PRUNE2: variants seen among roughly 807,000 people sequenced by gnomAD.
The protein encoded by PRUNE2 is prune homolog 2 with BCH domain.
Under a neutral mutation model 252.0 loss-of-function variants are expected in PRUNE2, and 164 were observed. The observed-to-expected ratio is 0.65, with a 90% confidence interval of 0.57 to 0.74. The LOEUF is 0.74. Among genes scored for constraint, PRUNE2 ranks in the 30% least tolerant of loss-of-function variants. PRUNE2 has a pLI of 0.00. For synonymous variants in PRUNE2, 1,292 were observed against 1,350.2 expected, an observed-to-expected ratio of 0.96 and a Z score of 0.94; for missense variants, 3,495 against 3,711.0, an observed-to-expected ratio of 0.94 and a Z score of 1.51.
intron 1 of PRUNE2, among the ~76,000 whole-genome samples, chr9:76,904,804 T>C (rs1358311002): frequency 2.6e-5 from 4 of 152,210 alleles, no homozygotes; most frequent in South Asian, 2.1e-4. Context: ...AGTTAGACCA[T>C]TGTAAGGATC....
At chr9:76,879,058 G>C (rs1421733603) in intron 1 of PRUNE2, among the ~76,000 whole-genome samples, 1 of 152,168 alleles carries the variant, frequency 6.6e-6, no homozygotes, top group Admixed American at 6.6e-5. Context: ...CCTGTGCATA[G>C]GAAAGCATTT....
chr9:76,623,278 C>T (rs970202543), intron 17 of PRUNE2, among the ~76,000 whole-genome samples: 9 of 150,552 alleles, frequency 6.0e-5, no homozygotes, highest in African/African-American at 2.0e-4. Context: ...AACTTGGAAA[C>T]GAGAAAAGAG....
intron 16 of PRUNE2, among the ~76,000 whole-genome samples, chr9:76,628,584 C>T (rs1836002162): frequency 6.6e-6 from 1 of 152,134 alleles, no homozygotes; most frequent in African/African-American, 2.4e-5. Context: ...CACTGTTAAC[C>T]AGTAGAGACA....
At chr9:76,688,210 A>G (rs776151030) in intron 9 of PRUNE2, among the ~76,000 whole-genome samples, 1 of 152,150 alleles carries the variant, frequency 6.6e-6, no homozygotes, top group Non-Finnish European at 1.5e-5. Flanking sequence ...CCCCATCCCA[A>G]TAGGTACACC....
chr9:76,703,545 C>A lies in PRUNE2; in HGVS notation c.8068G>T (p.Glu2690Ter). The A allele has an allele frequency of 6.2e-7, 1 of 1,613,816 alleles. No individual in the cohort carries two copies. Among genetic ancestry groups the A allele is most frequent in the Non-Finnish European group, 8.5e-7 (1 of 1,179,860 alleles). ...MKPLESLALE[E>*]ASGPVSQSQK... ...GATTGGCTGACTGGACCAGAGGCTT[C>A]CTCTAGTGCCAAAGATTCTAGAGGC... is the stretch of plus-strand genomic sequence containing the variant. The change falls in exon 9 of 19, where the codon GAA becomes TAA. Residue 2690 changes from glutamate (E) to a stop codon, truncating the protein, a stop_gained. Coordinates refer to ENST00000376718, the MANE Select transcript of PRUNE2 (RefSeq NM_015225.3). LOFTEE classifies it high-confidence loss of function.
At chr9:76,636,393 T>G in intron 15 of PRUNE2, 78 bp downstream of exon 15, 1 of 788,258 alleles carries the variant, frequency 1.3e-6, no homozygotes, top group Non-Finnish European at 2.1e-6. Context: ...GTTTATGAAT[T>G]CTTGTTTTTA....
chr9:76,691,301 A>G (rs1333743155), intron 9 of PRUNE2, among the ~76,000 whole-genome samples: 3 of 152,230 alleles, frequency 2.0e-5, no homozygotes, highest in African/African-American at 7.2e-5. Context: ...GATCTCTGGC[A>G]GAGTCACACT....
chr9:76,836,276 G>A (rs2058962624), intron 4 of PRUNE2, among the ~76,000 whole-genome samples: 1 of 150,758 alleles, frequency 6.6e-6, no homozygotes, highest in East Asian at 1.9e-4. Flanking sequence ...CACAAACCCA[G>A]GGCATAACTA....
chr9:76,659,417 C>A (rs189255940), intron 9 of PRUNE2, among the ~76,000 whole-genome samples: 7 of 152,246 alleles, frequency 4.6e-5, no homozygotes, highest in African/African-American at 1.7e-4. Context: ...ACACTGAATG[C>A]TTTTAAATAT....
chr9:76,647,894 A>G lies in PRUNE2; in HGVS notation c.8558-2985T>C, dbSNP rs555258350. Among the ~76,000 whole-genome samples, 6 of 152,248 alleles carry G rather than the reference A, an allele frequency of 3.9e-5. No individual in the cohort carries two copies. In the East Asian group the frequency reaches 9.7e-4, roughly 25 times the overall value. On this transcript the variant is annotated intron_variant, in intron 11 of 18. Transcript: ENST00000376718. The stretch of plus-strand genomic sequence containing the variant: ...GGGGAATCGCTTGAACCCAAGAGCT[A>G]GAGGTTGCAGTGAACCGAGATTGCG...
chr9:76,768,623 G>GTGTGTGTGTGTGTATA (rs1491356086), intron 6 of PRUNE2, among the ~76,000 whole-genome samples: 1 of 130,152 alleles, frequency 7.7e-6, no homozygotes, highest in African/African-American at 2.8e-5. Flanking sequence ...GTGTGTGTGT[G>GTGTGTGTGTGTGTATA]TATATCCCTG....
At chr9:76,728,669 C>T (rs1298704158) in intron 6 of PRUNE2, among the ~76,000 whole-genome samples, 11 of 152,284 alleles carry the variant, frequency 7.2e-5, no homozygotes, top group Admixed American at 6.5e-4. Context: ...GCAGCCCTAA[C>T]TTCTCCAAAT....
At chr9:76,846,474 A>C in intron 4 of PRUNE2, 41 bp downstream of exon 4, 2 of 1,574,414 alleles carry the variant, frequency 1.3e-6, no homozygotes, top group Non-Finnish European at 1.7e-6. Flanking sequence ...GAGACACTCC[A>C]TTAAGCCTTC....
intron 16 of PRUNE2, chr9:76,627,729 G>A (rs1375398951): frequency 1.1e-5 from 2 of 185,602 alleles, no homozygotes; most frequent in East Asian, 3.4e-4. Flanking sequence ...AAGGACATGG[G>A]AATTTTAGTG....
chr9:76,716,474 A>G (rs2047161524), intron 6 of PRUNE2, among the ~76,000 whole-genome samples: 1 of 152,208 alleles, frequency 6.6e-6, no homozygotes, highest in South Asian at 2.1e-4. Flanking sequence ...GGACTCTCTC[A>G]GCACTGTCAC....
At position 76,902,770 on chromosome 9, in the gene PRUNE2, G is replaced by A. The variant is rs188199488; in HGVS notation, c.36+3158C>T. Among the ~76,000 whole-genome samples the A allele has an allele frequency of 6.1e-3, 935 of 152,276 alleles. 7 individuals carry two copies. Among genetic ancestry groups the A allele is most frequent in the Non-Finnish European group, 9.5e-3 (646 of 68,026 alleles). On this transcript the variant is annotated intron_variant, in intron 1 of 18. Transcript: ENST00000376718. ...CCTGTCCTAACCAGGCAGAAGTCAG[G>A]CCCACATGAGAAGCATTTGAGCCCC...
intron 6 of PRUNE2, among the ~76,000 whole-genome samples, chr9:76,809,462 C>A (rs958486758): frequency 6.6e-6 from 1 of 152,192 alleles, no homozygotes; most frequent in Non-Finnish European, 1.5e-5. Context: ...CTTTCAGAGG[C>A]TGAGGTGGGT....
chr9:76,629,479 TTC>T (rs1215307911), intron 15 of PRUNE2, among the ~76,000 whole-genome samples, 189 bp from the exon 16 acceptor site: 4 of 152,320 alleles, frequency 2.6e-5, no homozygotes, highest in South Asian at 4.1e-4. Flanking sequence ...TGATGTTTTA[TTC>T]TGTTTTTAAA....
At chr9:76,871,499 G>A (rs1311941895) in intron 1 of PRUNE2, among the ~76,000 whole-genome samples, 1 of 152,240 alleles carries the variant, frequency 6.6e-6, no homozygotes, top group African/African-American at 2.4e-5. Flanking sequence ...TAACAGCTGT[G>A]TCTAGTGCTT....
Sources: gnomAD v4.1 joint callset for allele counts (sites outside exome capture counted in the v4.1 genomes callset) on GRCh38, gnomAD v4.1.1 for gene constraint, MANE v1.5 for transcripts, NCBI Gene and HGNC (gene_info 2026-07-23, HGNC 2026-07-21) for gene names.